Variants in TDRP observed in about 807,000 individuals in gnomAD.
TDRP encodes the protein testis development-related protein.
In TDRP, 12 loss-of-function variants were observed where a neutral mutation model predicts 10.5. That is an observed-to-expected ratio of 1.15 (90% CI 0.73 to 1.86). TDRP has a LOEUF of 1.86. Among genes scored for constraint, TDRP ranks in the 40% most tolerant of loss-of-function variants. The pLI is 0.00. For missense variants in TDRP, 353 were observed against 229.2 expected, an observed-to-expected ratio of 1.54 and a Z score of -3.49; for synonymous variants, 139 against 95.4, an observed-to-expected ratio of 1.46 and a Z score of -2.67.
intron 1 of TDRP, among the ~76,000 whole-genome samples, chr8:518,151 A>G (rs1046195189): frequency 3.9e-5 from 6 of 152,202 alleles, no homozygotes; most frequent in Admixed American, 6.5e-5. Context: ...ATGTTCGTCA[A>G]TTTTAACAAA....
intron 2 of TDRP, among the ~76,000 whole-genome samples, chr8:494,211 T>C (rs1029895716): frequency 1.3e-5 from 2 of 152,038 alleles, no homozygotes; most frequent in Non-Finnish European, 2.9e-5. Flanking sequence ...TCTGCCTGCC[T>C]TGGCCTCCCA....
intron 1 of TDRP, among the ~76,000 whole-genome samples, chr8:516,786 A>G (rs781731990): frequency 2.0e-5 from 3 of 152,200 alleles, no homozygotes; most frequent in Non-Finnish European, 2.9e-5. Flanking sequence ...TTGAAAACTT[A>G]TGTCCACAAA....
intron 1 of TDRP, among the ~76,000 whole-genome samples, chr8:521,887 T>A (rs1161521610): frequency 1.3e-5 from 2 of 152,220 alleles, no homozygotes; most frequent in African/African-American, 4.8e-5. Context: ...TATGTCTTAT[T>A]TAATAACTTT....
At position 501,263 on chromosome 8, in the gene TDRP, G is replaced by A. The variant is rs1013930484; in HGVS notation, c.109-6666C>T. On this transcript the variant is annotated intron_variant, in intron 1 of 2. Coordinates refer to ENST00000324079, the MANE Select transcript of TDRP (RefSeq NM_001384899.1). ...TAATGCTCGGGTCAGCTCACTGCAT[G>A]CCACATAACCTGCACCTACCAGTTC... Among the ~76,000 whole-genome samples, 7 of 152,084 alleles carry A rather than the reference G, an allele frequency of 4.6e-5. 1 individual carries two copies. The highest frequency in any genetic ancestry group is 1.2e-4 in the African/African-American group (5 of 41,432).
chr8:501,016 C>T (rs1019535405), intron 1 of TDRP, among the ~76,000 whole-genome samples: 1 of 152,134 alleles, frequency 6.6e-6, no homozygotes, highest in Non-Finnish European at 1.5e-5. Flanking sequence ...ACCATCCTGG[C>T]TAACACGGTG....
chr8:542,568 G>A (rs1047603098), intron 1 of TDRP, among the ~76,000 whole-genome samples: 1 of 152,052 alleles, frequency 6.6e-6, no homozygotes, highest in Admixed American at 6.5e-5. Context: ...ACACACTTTA[G>A]ATGTACAGAT....
intron 1 of TDRP, among the ~76,000 whole-genome samples, chr8:515,558 T>C (rs1563124132): frequency 6.6e-6 from 1 of 152,194 alleles, no homozygotes; most frequent in African/African-American, 2.4e-5. Context: ...GTTTTGAATT[T>C]TGGAGCATTT....
At chr8:527,607 C>G (rs563743416) in intron 1 of TDRP, among the ~76,000 whole-genome samples, 1 of 152,114 alleles carries the variant, frequency 6.6e-6, no homozygotes, top group African/African-American at 2.4e-5. Context: ...ATCCATACAT[C>G]TACAGTGAAG....
chr8:541,397 G>T (rs949676880), intron 1 of TDRP, among the ~76,000 whole-genome samples: 1 of 152,146 alleles, frequency 6.6e-6, no homozygotes, highest in African/African-American at 2.4e-5. Flanking sequence ...ATCCATCAAA[G>T]AAATAATTCA....
chr8:531,622 G>A (rs546554523), intron 1 of TDRP, among the ~76,000 whole-genome samples: 1 of 152,302 alleles, frequency 6.6e-6, no homozygotes, highest in South Asian at 2.1e-4. Flanking sequence ...TTTAATCACA[G>A]TTACAGACTG....
At chr8:495,676 C>T (rs187141072) in intron 1 of TDRP, among the ~76,000 whole-genome samples, 24 of 152,208 alleles carry the variant, frequency 1.6e-4, no homozygotes, top group Admixed American at 5.2e-4. Flanking sequence ...GAATACTTTG[C>T]GTTGTTAAAA....
intron 1 of TDRP, among the ~76,000 whole-genome samples, chr8:528,059 T>C (rs1161726798): frequency 3.3e-5 from 5 of 152,140 alleles, no homozygotes; most frequent in South Asian, 2.1e-4. Context: ...AACACATCTA[T>C]AGGAAAAAAC....
intron 1 of TDRP, among the ~76,000 whole-genome samples, chr8:504,685 G>A (rs1220114797): frequency 6.6e-6 from 1 of 152,178 alleles, no homozygotes; most frequent in African/African-American, 2.4e-5. Context: ...AGAATCACCA[G>A]GTTACAATTT....
intron 1 of TDRP, among the ~76,000 whole-genome samples, chr8:506,595 G>C (rs1801471572): frequency 6.6e-6 from 1 of 152,188 alleles, no homozygotes; most frequent in Non-Finnish European, 1.5e-5. Flanking sequence ...CTGGGCTCGA[G>C]AGGTGACGGT....
chr8:501,682 A>G (rs544593101), intron 1 of TDRP, among the ~76,000 whole-genome samples: 3 of 152,222 alleles, frequency 2.0e-5, no homozygotes, highest in African/African-American at 7.2e-5. Context: ...ATTTAAAGTC[A>G]TAGGTCAGGA....
intron 1 of TDRP, among the ~76,000 whole-genome samples, chr8:539,105 T>C (rs1310609604): frequency 6.6e-6 from 1 of 152,214 alleles, no homozygotes; most frequent in Non-Finnish European, 1.5e-5. Context: ...ATCCTGTATA[T>C]CCACGTAAGG....
intron 1 of TDRP, among the ~76,000 whole-genome samples, chr8:537,367 G>A (rs922776307): frequency 5.3e-5 from 8 of 152,162 alleles, no homozygotes; most frequent in African/African-American, 1.4e-4. Context: ...ACATCAACTC[G>A]GGCAATGAGC....
At chr8:493,997 T>C (rs1443508443) in intron 2 of TDRP, among the ~76,000 whole-genome samples, 1 of 147,722 alleles carries the variant, frequency 6.8e-6, no homozygotes, top group Non-Finnish European at 1.5e-5. Context: ...TCTGTTGTTT[T>C]TTTTTTTTTT....
intron 1 of TDRP, among the ~76,000 whole-genome samples, chr8:497,373 C>CA (rs1365709448): frequency 6.6e-6 from 1 of 152,114 alleles, no homozygotes; most frequent in Non-Finnish European, 1.5e-5. Context: ...TGGCATTTTG[C>CA]CCCTGCCCAA....
Sources: gnomAD v4.1 joint callset for allele counts (sites outside exome capture counted in the v4.1 genomes callset) on GRCh38, gnomAD v4.1.1 for gene constraint, MANE v1.5 for transcripts, NCBI Gene and HGNC (gene_info 2026-07-23, HGNC 2026-07-21) for gene names.